Variants in ZNF540 observed in about 807,000 individuals in gnomAD.
ZNF540 encodes the protein zinc finger protein 540, also known as CTD-3064H18.6.
ZNF540 carries 3 observed loss-of-function variants against 11.8 expected under a neutral mutation model. That is an observed-to-expected ratio of 0.25 (90% confidence interval 0.12 to 0.65). The LOEUF (loss-of-function observed/expected upper bound fraction) is 0.65, where lower values mean the gene tolerates loss of function less well. ZNF540 is among the 30% of genes least tolerant of loss of function. The probability of loss-of-function intolerance (pLI) is 0.83; values close to 1 mark genes in which losing one functional copy is unlikely to be tolerated. For synonymous variants in ZNF540, 247 were observed against 259.0 expected (o/e 0.95, Z 0.45); for missense variants, 709 against 793.1 (o/e 0.89, Z 1.27).
intron 1 of ZNF540, chr19:37,565,497 C>A: frequency 6.2e-7 from 1 of 1,613,658 alleles, no homozygotes; most frequent in Non-Finnish European, 8.5e-7. Context: ...TTTCCACATT[C>A]CTTACACTCA....
At chr19:37,565,988 CCTT>C in intron 1 of ZNF540, 1 of 1,613,860 alleles carries the variant, frequency 6.2e-7, no homozygotes, top group South Asian at 1.1e-5. Context: ...GTAGCTGAAA[CCTT>C]GTCTGCATTC....
At position 37,601,039 on chromosome 19, in the gene ZNF540, A is replaced by T. The variant is rs2044035244; in HGVS notation, c.166A>T (p.Thr56Ser). The T allele has an allele frequency of 5.7e-6, 9 of 1,590,360 alleles. No homozygotes were observed. The highest frequency in any genetic ancestry group is 7.7e-6 in the Non-Finnish European group (9 of 1,168,570). ...GYSGSKPDVI[T>S]LLEQGKEPCV... ...TTCTGGCTCAAAGCCAGATGTGATT[A>T]CCTTACTGGAGCAAGGGAAAGAGCC... The change falls in exon 4 of 5, where the codon ACC becomes TCC. Residue 56 changes from threonine (T) to serine (S), a missense_variant. By Grantham distance (58) the Thr-to-Ser change is moderately conservative. Transcript: ENST00000316433.
At chr19:37,551,842 T>A (rs1041708701) in intron 1 of ZNF540, among the ~76,000 whole-genome samples, 1 of 147,482 alleles carries the variant, frequency 6.8e-6, no homozygotes, top group African/African-American at 2.5e-5. Context: ...GTGGGGGGGG[T>A]GGTGTCTGGT....
At chr19:37,599,833 T>C (rs2147225916) in intron 3 of ZNF540, 81 bp downstream of exon 3, 1 of 1,423,276 alleles carries the variant, frequency 7.0e-7, no homozygotes, top group South Asian at 1.5e-5. Flanking sequence ...GGACTAATTA[T>C]TAAGAAACTA....
Position 37,584,093 on chromosome 19 carries a change from A to G in ZNF540, c.-72-14283A>G, listed in dbSNP as rs143074498. ...AATGGCCACATCCCTGAAAGTCACC[A>G]ACAACTGAAACAACAAATCCATTAC... On this transcript the variant is annotated intron_variant, in intron 1 of 4. Coordinates refer to the ZNF540 transcript ENST00000592533. 1.9e-4 allele frequency: 313 copies of G among 1,614,000 alleles called. No homozygotes were observed. Among genetic ancestry groups the G allele is most frequent in the Non-Finnish European group, 2.6e-4 (312 of 1,179,990 alleles).
rs1206871706 is a variant in ZNF540 at position 37,572,176 on chromosome 19, A to AC, written c.-73+20514dup. Among the ~76,000 whole-genome samples, 5 of 152,078 alleles carry AC rather than the reference A, an allele frequency of 3.3e-5. No individual in the cohort carries two copies. The East Asian group carries it at 9.7e-4, about 29-fold the overall frequency. On this transcript the variant is annotated intron_variant, in intron 1 of 4. Coordinates refer to the ZNF540 transcript ENST00000592533. ...CACTTAACTCCAAAATTATTCTAGG[A>AC]CCCATACACTGTAAACATAGTTTAA...
At chr19:37,565,746 ATGCGTTACAC>A (rs1568341244) in intron 1 of ZNF540, 1 of 1,613,826 alleles carries the variant, frequency 6.2e-7, no homozygotes, top group South Asian at 1.1e-5. Context: ...GCTTTCCCAC[ATGCGTTACAC>A]TGATAAGGTT....
At chr19:37,589,498 T>C (rs1449676756) in intron 1 of ZNF540, among the ~76,000 whole-genome samples, 1 of 150,206 alleles carries the variant, frequency 6.7e-6, no homozygotes, top group East Asian at 2.0e-4. Context: ...AAAAAAAAAG[T>C]CAACGGTCAT....
At chr19:37,595,562 GTGAGCATA>G (rs1189675067) in intron 1 of ZNF540, 1 of 152,134 alleles carries the variant, frequency 6.6e-6, no homozygotes, top group Non-Finnish European at 1.5e-5. Flanking sequence ...AAAGAAGTGT[GTGAGCATA>G]ATATGGTGAG....
intron 1 of ZNF540, among the ~76,000 whole-genome samples, chr19:37,559,856 T>G (rs2147140538): frequency 6.6e-6 from 1 of 152,364 alleles, no homozygotes; most frequent in East Asian, 1.9e-4. Context: ...ATATTTGCAG[T>G]TATCCTATTA....
At chr19:37,588,343 A>G (rs940738490) in intron 1 of ZNF540, among the ~76,000 whole-genome samples, 4 of 152,198 alleles carry the variant, frequency 2.6e-5, no homozygotes, top group Non-Finnish European at 5.9e-5. Flanking sequence ...AGAGATTTCA[A>G]AATACCACTC....
At chr19:37,592,830 T>C (rs1368578914), upstream of ZNF540, among the ~76,000 whole-genome samples, 1 of 152,144 alleles carries the variant, frequency 6.6e-6, no homozygotes, top group African/African-American at 2.4e-5. Flanking sequence ...AAAAGCAGTA[T>C]ACAGAATATT....
chr19:37,571,075 T>C (rs1207944470), intron 1 of ZNF540, among the ~76,000 whole-genome samples: 1 of 152,230 alleles, frequency 6.6e-6, no homozygotes, highest in Non-Finnish European at 1.5e-5. Flanking sequence ...AATCACTCAT[T>C]GTGTATTCAT....
At chr19:37,560,012 C>T (rs1218753539) in intron 1 of ZNF540, among the ~76,000 whole-genome samples, 6 of 152,112 alleles carry the variant, frequency 3.9e-5, no homozygotes, top group Non-Finnish European at 8.8e-5. Context: ...CGTGGTGGCT[C>T]ACACCTGTAA....
chr19:37,560,410 T>C (rs2042704313), intron 1 of ZNF540: 1 of 151,852 alleles, frequency 6.6e-6, no homozygotes, highest in Non-Finnish European at 1.5e-5. Flanking sequence ...ACTTGCTCTG[T>C]TGCCCAGGCT....
At chr19:37,584,521 A>G (rs2043592756) in intron 1 of ZNF540, among the ~76,000 whole-genome samples, 1 of 152,338 alleles carries the variant, frequency 6.6e-6, no homozygotes, top group East Asian at 1.9e-4. Context: ...ATGTTTACCA[A>G]ATCTCTAGGT....
At chr19:37,551,992 TC>T (rs2042611248) in intron 1 of ZNF540, among the ~76,000 whole-genome samples, 2 of 152,104 alleles carry the variant, frequency 1.3e-5, no homozygotes, top group African/African-American at 2.4e-5. Context: ...TAAGCTTAAT[TC>T]CTTTTCTGAG....
At chr19:37,567,919 G>A (rs1302024814) in intron 1 of ZNF540, among the ~76,000 whole-genome samples, 2 of 152,070 alleles carry the variant, frequency 1.3e-5, no homozygotes, top group Non-Finnish European at 2.9e-5. Flanking sequence ...TACATATAAT[G>A]TTTTATTCCT....
chr19:37,612,953 A>G lies in ZNF540; in HGVS notation c.1673A>G (p.Lys558Arg). The G allele has an allele frequency of 6.2e-7, 1 of 1,614,214 alleles. No homozygotes were observed. Among genetic ancestry groups the G allele is most frequent in the Non-Finnish European group, 8.5e-7 (1 of 1,180,020 alleles). Residue 558 changes from lysine to arginine, a missense_variant, in exon 5 of 5, where the codon AAG becomes AGG. By Grantham distance (26) the Lys-to-Arg change is conservative. Transcript: ENST00000316433. ...LKPYDCKECG[K>R]SFSRRGQFTE... ...CCCTATGACTGTAAAGAATGTGGGAAGTCCTTTAGTCGGCGTGGGCAGTTC... is the reference window on the plus strand; with the variant it reads ...CCCTATGACTGTAAAGAATGTGGGAGGTCCTTTAGTCGGCGTGGGCAGTTC...
Sources: allele counts gnomAD v4.1 joint callset (sites outside exome capture counted in the v4.1 genomes callset), GRCh38; gene constraint gnomAD v4.1.1; transcripts MANE v1.5; gene names NCBI Gene and HGNC (gene_info 2026-07-23, HGNC 2026-07-21).